Variants in SLIT3 observed in about 807,000 individuals in gnomAD.
SLIT3 encodes the protein slit guidance ligand 3.
SLIT3 carries 68 observed loss-of-function variants against 184.0 expected under a neutral mutation model. That is an observed-to-expected ratio of 0.37 (90% CI 0.30 to 0.45). SLIT3 has a LOEUF of 0.45. Among genes scored for constraint, SLIT3 ranks in the 20% least tolerant of loss-of-function variants. The pLI is 1.00. For missense variants in SLIT3, 1,707 were observed against 2,026.0 expected (o/e 0.84, Z 3.02); for synonymous variants, 831 against 828.6 (o/e 1.00, Z -0.05).
intron 4 of SLIT3, among the ~76,000 whole-genome samples, chr5:168,989,476 G>C (rs1218695575): frequency 6.6e-6 from 1 of 152,188 alleles, no homozygotes; most frequent in Non-Finnish European, 1.5e-5. Context: ...CTCGCTCTTT[G>C]GGGTAAGGAG....
At chr5:168,924,115 C>T (rs1418717838) in intron 4 of SLIT3, among the ~76,000 whole-genome samples, 5 of 152,218 alleles carry the variant, frequency 3.3e-5, no homozygotes, top group Non-Finnish European at 7.3e-5. Flanking sequence ...CATGATCTGA[C>T]CCGTCTGCTT....
intron 12 of SLIT3, among the ~76,000 whole-genome samples, chr5:168,784,076 G>A (rs907202003): frequency 2.0e-5 from 3 of 152,006 alleles, no homozygotes; most frequent in Non-Finnish European, 4.4e-5. Context: ...CTTAATGTGT[G>A]CAAAGCCATT....
chr5:169,147,332 G>A (rs1236376932), intron 4 of SLIT3, among the ~76,000 whole-genome samples: 3 of 152,152 alleles, frequency 2.0e-5, no homozygotes, highest in Non-Finnish European at 2.9e-5. Context: ...GCAATGGCAC[G>A]ATATCAGCTC....
At chr5:169,155,999 A>G (rs899174740) in intron 4 of SLIT3, among the ~76,000 whole-genome samples, 8 of 152,344 alleles carry the variant, frequency 5.3e-5, no homozygotes, top group Admixed American at 5.2e-4. Flanking sequence ...TGCAATGTAC[A>G]TCAGCATATT....
chr5:169,041,026 A>G (rs1161376407), intron 4 of SLIT3, among the ~76,000 whole-genome samples: 1 of 152,166 alleles, frequency 6.6e-6, no homozygotes, highest in African/African-American at 2.4e-5. Context: ...AGCTACCCAC[A>G]ATTTGTTTAC....
chr5:168,812,710 A>G (rs2113646323), intron 8 of SLIT3, among the ~76,000 whole-genome samples: 1 of 152,376 alleles, frequency 6.6e-6, no homozygotes, highest in Admixed American at 6.5e-5. Context: ...TGATGAGAAT[A>G]TAAATGAATG....
At chr5:168,718,561 G>A (rs1252968319) in intron 23 of SLIT3, among the ~76,000 whole-genome samples, 2 of 152,010 alleles carry the variant, frequency 1.3e-5, no homozygotes, top group African/African-American at 2.4e-5. Flanking sequence ...TTCTCTTTTC[G>A]CTATTTTCAG....
intron 4 of SLIT3, among the ~76,000 whole-genome samples, chr5:168,990,062 C>T (rs1336167813): frequency 6.6e-6 from 1 of 152,200 alleles, no homozygotes; most frequent in African/African-American, 2.4e-5. Context: ...GCCAAGCTGG[C>T]AGATTCCTAG....
At chr5:169,108,492 G>C (rs1047848845) in intron 4 of SLIT3, among the ~76,000 whole-genome samples, 1 of 152,232 alleles carries the variant, frequency 6.6e-6, no homozygotes, top group Admixed American at 6.5e-5. Flanking sequence ...AGGAAAGGTA[G>C]AGGCAGATGA....
intron 29 of SLIT3, among the ~76,000 whole-genome samples, chr5:168,689,980 T>G (rs1761857499): frequency 6.6e-6 from 1 of 152,202 alleles, no homozygotes; most frequent in African/African-American, 2.4e-5. Context: ...TAGACTGATT[T>G]TATTCTTTCC....
intron 4 of SLIT3, among the ~76,000 whole-genome samples, chr5:168,974,991 C>T (rs1257623776): frequency 1.3e-5 from 2 of 152,168 alleles, no homozygotes; most frequent in East Asian, 1.9e-4. Context: ...TCACCATTCT[C>T]GCTCCCAAGA....
At chr5:169,175,124 T>C (rs897873872) in intron 4 of SLIT3, among the ~76,000 whole-genome samples, 5 of 152,222 alleles carry the variant, frequency 3.3e-5, no homozygotes, top group African/African-American at 7.2e-5. Context: ...AGCTTGGGTC[T>C]GTGTCTTAGT....
intron 4 of SLIT3, among the ~76,000 whole-genome samples, chr5:168,895,126 A>AAGCCACTTC (rs1171793341): frequency 5.9e-5 from 9 of 152,214 alleles, no homozygotes; most frequent in Middle Eastern, 3.2e-3. Flanking sequence ...GGAGAAGTTG[A>AAGCCACTTC]AGCCACTTCC....
chr5:168,934,352 T>C (rs78426468), intron 4 of SLIT3, among the ~76,000 whole-genome samples: 2,064 of 152,306 alleles, frequency 0.014, 59 homozygotes, highest in East Asian at 0.13. Context: ...AAATAGCCAG[T>C]CTTTAAATGA....
intron 4 of SLIT3, among the ~76,000 whole-genome samples, chr5:169,068,065 T>G (rs1378691729): frequency 6.6e-6 from 1 of 152,178 alleles, no homozygotes; most frequent in Non-Finnish European, 1.5e-5. Context: ...GGCTTATTTA[T>G]CTCTCTATTA....
chr5:169,035,825 A>C (rs745599335), intron 4 of SLIT3, among the ~76,000 whole-genome samples: 18 of 152,140 alleles, frequency 1.2e-4, no homozygotes, highest in Non-Finnish European at 2.4e-4. Context: ...CCTTGAAAGC[A>C]ATCCTAAATT....
intron 6 of SLIT3, among the ~76,000 whole-genome samples, chr5:168,844,069 C>T (rs1338744842): frequency 7.2e-6 from 1 of 139,356 alleles, no homozygotes; most frequent in East Asian, 2.4e-4. Flanking sequence ...GGAGCAATAG[C>T]AATGACTGGG....
intron 1 of SLIT3, among the ~76,000 whole-genome samples, chr5:169,285,474 A>C (rs1767124673): frequency 6.6e-6 from 1 of 152,196 alleles, no homozygotes; most frequent in African/African-American, 2.4e-5. Context: ...TTTAAAACAC[A>C]GCTGCAACTT....
intron 4 of SLIT3, among the ~76,000 whole-genome samples, chr5:168,969,914 G>C (rs1340261993): frequency 6.6e-6 from 1 of 152,228 alleles, no homozygotes; most frequent in African/African-American, 2.4e-5. Flanking sequence ...GGGCGCAGTG[G>C]CTCCCGCCTG....
Sources: allele counts gnomAD v4.1 joint callset (sites outside exome capture counted in the v4.1 genomes callset), GRCh38; gene constraint gnomAD v4.1.1; transcripts MANE v1.5; gene names NCBI Gene and HGNC (gene_info 2026-07-23, HGNC 2026-07-21).